The following BEND7 variants were observed in gnomAD, a reference collection of about 807,000 sequenced individuals.
The protein encoded by BEND7 is BEN domain containing 7, also known as BEN domain-containing protein 7.
In BEND7, 28 loss-of-function variants were observed where a neutral mutation model predicts 50.9. The observed-to-expected ratio is 0.55, with a 90% CI of 0.41 to 0.75. BEND7 has a LOEUF of 0.75. BEND7 is among the 30% of genes least tolerant of loss of function. BEND7 has a pLI of 0.00. For missense variants in BEND7, 477 were observed against 491.3 expected (o/e 0.97, Z 0.28); for synonymous variants, 170 against 183.9 (o/e 0.92, Z 0.61).
intron 2 of BEND7, among the ~76,000 whole-genome samples, chr10:13,504,457 C>T (rs190471143): frequency 5.3e-5 from 8 of 152,118 alleles, no homozygotes; most frequent in Admixed American, 1.3e-4. Flanking sequence ...AAGTCCTTTT[C>T]GGAAGACAGG....
intron 6 of BEND7, among the ~76,000 whole-genome samples, chr10:13,478,505 G>A (rs1346105765): frequency 6.6e-6 from 1 of 152,174 alleles, no homozygotes; most frequent in Non-Finnish European, 1.5e-5. Flanking sequence ...AGGTAGAAAT[G>A]TTGACTAGCC....
intron 2 of BEND7, chr10:13,502,922 G>C (rs1198201496): frequency 2.0e-6 from 2 of 985,256 alleles, no homozygotes; most frequent in African/African-American, 1.7e-5. Flanking sequence ...ACAGGAGAAG[G>C]GATGTGTCTC....
chr10:13,480,775 G>A (rs903294663), intron 6 of BEND7, 124 bp downstream of exon 6: 2 of 1,504,676 alleles, frequency 1.3e-6, no homozygotes, highest in Non-Finnish European at 1.8e-6. Flanking sequence ...CCATGTGAAT[G>A]GCTAAATTGG....
intron 2 of BEND7, among the ~76,000 whole-genome samples, chr10:13,517,083 T>G (rs1175762291): frequency 7.2e-6 from 1 of 138,586 alleles, no homozygotes; most frequent in Non-Finnish European, 1.6e-5. Context: ...TTTTTTTTTT[T>G]GAGACAGGAT....
rs1010009678 is a variant in BEND7 at position 13,518,354 on chromosome 10, G to A, written c.145+7784C>T. The stretch of plus-strand genomic sequence containing the variant: ...GGCCCCCTTGGGCAGGTACAACTTC[G>A]GTGGCTGTGTGCAGGGGCCCAACTC... On this transcript the variant is annotated intron_variant, in intron 2 of 8. Coordinates refer to ENST00000466271, the MANE Select transcript of BEND7 (RefSeq NM_001369863.1). Among the ~76,000 whole-genome samples the A allele has an allele frequency of 7.2e-5, 11 of 152,218 alleles. 1 individual carries two copies. The highest frequency in any genetic ancestry group is 2.6e-4 in the Admixed American group (4 of 15,282).
chr10:13,516,503 A>T (rs991448098), intron 2 of BEND7, among the ~76,000 whole-genome samples: 1 of 152,202 alleles, frequency 6.6e-6, no homozygotes, highest in African/African-American at 2.4e-5. Context: ...AGGCAGGCAG[A>T]TCGCTTGAAG....
rs1410754721 is a variant in BEND7, at chr10:13,528,585, GCGGCAGCGGCGGCA to G, written c.-66_-53del. The G allele has an allele frequency of 4.1e-3, 2,867 of 696,398 alleles. 87 individuals carry two copies. In the South Asian group the frequency reaches 0.097, roughly 23 times the overall value. The allele number at this position is 696,398 out of a possible 1,614,324, so 43.1% of individuals were successfully genotyped here. On this transcript the variant is annotated 5_prime_UTR_variant, in exon 1 of 9. Transcript: ENST00000466271. ...TGAGGAGGCGGCGGCAGCGGCGGCA[GCGGCAGCGGCGGCA>G]GCGGCAGCGGCGGCGCGGGCTCGTG...
At chr10:13,476,921 A>G (rs959936468) in intron 6 of BEND7, among the ~76,000 whole-genome samples, 13 of 152,238 alleles carry the variant, frequency 8.5e-5, no homozygotes, top group Non-Finnish European at 1.8e-4. Flanking sequence ...CATACTTATC[A>G]ATATATTTTA....
chr10:13,476,183 A>C (rs1472463449), intron 6 of BEND7, among the ~76,000 whole-genome samples: 1 of 152,234 alleles, frequency 6.6e-6, no homozygotes, highest in Non-Finnish European at 1.5e-5. Flanking sequence ...TCACAAGAAT[A>C]AAACAAGAGG....
chr10:13,479,061 C>A (rs2075668000), intron 6 of BEND7, among the ~76,000 whole-genome samples: 1 of 147,546 alleles, frequency 6.8e-6, no homozygotes, highest in Non-Finnish European at 1.5e-5. Flanking sequence ...GGCTGGAGTA[C>A]AATGGTGCGA....
intron 2 of BEND7, among the ~76,000 whole-genome samples, chr10:13,510,244 A>G (rs985281833): frequency 2.0e-5 from 3 of 152,244 alleles, no homozygotes; most frequent in Admixed American, 1.3e-4. Flanking sequence ...CTCCCTAATT[A>G]TTAATGTAAT....
chr10:13,522,522 G>A, intron 2 of BEND7, among the ~76,000 whole-genome samples: 1 of 152,204 alleles, frequency 6.6e-6, no homozygotes. Flanking sequence ...GAAGACAGAT[G>A]TGAAAGCACT....
At chr10:13,481,216 GAAATGTACATATCCTAC>G in intron 5 of BEND7, 92 bp from the exon 6 acceptor site, 1 of 1,150,838 alleles carries the variant, frequency 8.7e-7, no homozygotes, top group South Asian at 1.5e-5. Flanking sequence ...ACTAGCTACT[GAAATGTACATATCCTAC>G]AAATGAAAAC....
intron 8 of BEND7, chr10:13,446,352 T>G (rs989677862): frequency 1.3e-5 from 2 of 152,224 alleles, no homozygotes; most frequent in African/African-American, 4.8e-5. Context: ...AATGAATACA[T>G]GGCCTAGTCA....
At chr10:13,512,815 T>C (rs1014357397) in intron 2 of BEND7, among the ~76,000 whole-genome samples, 1 of 152,222 alleles carries the variant, frequency 6.6e-6, no homozygotes, top group Non-Finnish European at 1.5e-5. Context: ...ACAGATCACA[T>C]TCACAATGGC....
chr10:13,452,788 G>A (rs764047175), intron 6 of BEND7, 130 bp from the exon 7 acceptor site: 11 of 754,372 alleles, frequency 1.5e-5, no homozygotes, highest in Non-Finnish European at 2.0e-5. Context: ...ATATGTCTTC[G>A]GTATCTGTAT....
intron 6 of BEND7, among the ~76,000 whole-genome samples, chr10:13,454,675 C>T (rs1041388034): frequency 4.6e-5 from 7 of 152,126 alleles, no homozygotes; most frequent in Non-Finnish European, 8.8e-5. Flanking sequence ...GGAGGGCCAC[C>T]CAGCCTATTT....
At chr10:13,473,611 C>T (rs187013401) in intron 6 of BEND7, among the ~76,000 whole-genome samples, 27 of 140,292 alleles carry the variant, frequency 1.9e-4, no homozygotes, top group Non-Finnish European at 3.0e-4. Context: ...TACCTGTCAT[C>T]GCTGTTAGAC....
intron 6 of BEND7, among the ~76,000 whole-genome samples, chr10:13,454,779 G>A (rs573089049): frequency 1.3e-5 from 2 of 152,314 alleles, no homozygotes; most frequent in Non-Finnish European, 2.9e-5. Context: ...CTGCAGACAA[G>A]GAGGCCAAGT....
Sources: allele counts gnomAD v4.1 joint callset (sites outside exome capture counted in the v4.1 genomes callset), GRCh38; gene constraint gnomAD v4.1.1; transcripts MANE v1.5; gene names NCBI Gene and HGNC (gene_info 2026-07-23, HGNC 2026-07-21).